Variants in GALNT17 observed in about 807,000 individuals in gnomAD.
GALNT17 encodes UDP-GalNAc:polypeptide N-acetylgalactosaminyltransferase-like 3.
GALNT17 carries 29 observed loss-of-function variants against 63.7 expected under a neutral mutation model. The observed-to-expected ratio is 0.46, with a 90% CI of 0.34 to 0.62. GALNT17 has a LOEUF of 0.62. Among genes scored for constraint, GALNT17 ranks in the 20% least tolerant of loss-of-function variants. GALNT17 has a pLI of 0.01. For synonymous variants in GALNT17, 305 were observed against 318.3 expected (o/e 0.96, Z 0.45); for missense variants, 603 against 799.6 (o/e 0.75, Z 2.97).
At chr7:71,542,925 G>A (rs1788917833) in intron 5 of GALNT17, among the ~76,000 whole-genome samples, 1 of 151,522 alleles carries the variant, frequency 6.6e-6, no homozygotes, top group African/African-American at 2.4e-5. Context: ...TGGGGGTCCC[G>A]ATAACTTTTA....
chr7:71,300,391 G>A (rs1051913749), intron 1 of GALNT17: 3 of 455,308 alleles, frequency 6.6e-6, no homozygotes, highest in Non-Finnish European at 1.3e-5. Context: ...CACAGAGAGA[G>A]GACTGTCTGT....
intron 1 of GALNT17, among the ~76,000 whole-genome samples, chr7:71,143,384 T>G: frequency 7.3e-6 from 1 of 137,488 alleles, no homozygotes. Flanking sequence ...ATCCCACCAC[T>G]GCACTCCAGA....
intron 5 of GALNT17, among the ~76,000 whole-genome samples, chr7:71,534,152 A>G (rs1231901106): frequency 6.6e-6 from 1 of 152,140 alleles, no homozygotes; most frequent in Non-Finnish European, 1.5e-5. Flanking sequence ...GGTAATTTAT[A>G]AAGGAAAGAG....
chr7:71,341,867 G>C (rs1196349163), intron 2 of GALNT17, among the ~76,000 whole-genome samples: 3 of 152,172 alleles, frequency 2.0e-5, no homozygotes, highest in Non-Finnish European at 4.4e-5. Context: ...TAGGGTGACA[G>C]CCATGTAGCA....
At chr7:71,138,995 AAAG>A (rs766224151) in intron 1 of GALNT17, among the ~76,000 whole-genome samples, 5 of 152,066 alleles carry the variant, frequency 3.3e-5, no homozygotes, top group Non-Finnish European at 5.9e-5. Context: ...ATAAAATAAA[AAAG>A]AAAGTGGACC....
At chr7:71,439,941 C>T in intron 5 of GALNT17, among the ~76,000 whole-genome samples, 1 of 145,158 alleles carries the variant, frequency 6.9e-6, no homozygotes, top group African/African-American at 2.6e-5. Flanking sequence ...CTTCCAGGCC[C>T]TCTTTTTTTT....
intron 6 of GALNT17, among the ~76,000 whole-genome samples, chr7:71,597,810 G>A (rs1789910162): frequency 6.6e-6 from 1 of 152,176 alleles, no homozygotes; most frequent in Non-Finnish European, 1.5e-5. Flanking sequence ...TACCTTGCTT[G>A]TCAATGTGGG....
intron 1 of GALNT17, among the ~76,000 whole-genome samples, chr7:71,187,043 A>T (rs1163648588): frequency 1.3e-5 from 2 of 152,192 alleles, no homozygotes; most frequent in Non-Finnish European, 2.9e-5. Context: ...TGACAGATGC[A>T]CCCAGCTGCA....
At chr7:71,486,958 T>TGACTGCAGGGTGCTGCCCTGC (rs1427132861) in intron 5 of GALNT17, among the ~76,000 whole-genome samples, 3 of 152,102 alleles carry the variant, frequency 2.0e-5, no homozygotes, top group African/African-American at 7.2e-5. Context: ...AGTATTGAGA[T>TGACTGCAGGGTGCTGCCCTGC]GACTGCAGGG....
intron 5 of GALNT17, among the ~76,000 whole-genome samples, chr7:71,553,559 T>G (rs1402176798): frequency 6.6e-6 from 1 of 152,240 alleles, no homozygotes; most frequent in Non-Finnish European, 1.5e-5. Context: ...TTCTTTTTCT[T>G]CCCTTCTCCT....
intron 5 of GALNT17, among the ~76,000 whole-genome samples, chr7:71,523,744 A>AAAATAAAT (rs55683413): frequency 0.045 from 6,205 of 137,524 alleles, 162 homozygotes; most frequent in Non-Finnish European, 0.047. Context: ...CCTGTCTCAA[A>AAAATAAAT]AAATAAATAA....
chr7:71,134,609 G>A (rs12699000), intron 1 of GALNT17, among the ~76,000 whole-genome samples: 20,769 of 152,104 alleles, frequency 0.14, 1,581 homozygotes, highest in African/African-American at 0.19. Context: ...GCCCACGGAA[G>A]TTATGCAGAA....
intron 1 of GALNT17, among the ~76,000 whole-genome samples, chr7:71,255,010 G>A (rs1445129060): frequency 6.6e-5 from 10 of 152,234 alleles, no homozygotes; most frequent in Admixed American, 3.9e-4. Context: ...TGTGAGAGGC[G>A]ATGTCAGGGA....
chr7:71,209,300 G>C (rs1473885932), intron 1 of GALNT17, among the ~76,000 whole-genome samples: 2 of 152,148 alleles, frequency 1.3e-5, no homozygotes, highest in East Asian at 3.9e-4. Flanking sequence ...GGGTTGTAGA[G>C]CTGTGATTTA....
intron 3 of GALNT17, among the ~76,000 whole-genome samples, chr7:71,408,300 C>T (rs180993357): frequency 3.3e-5 from 5 of 152,316 alleles, no homozygotes; most frequent in Non-Finnish European, 4.4e-5. Context: ...GCTATGTTCT[C>T]GTCCCCAGCT....
At chr7:71,514,934 C>T (rs756673437) in intron 5 of GALNT17, among the ~76,000 whole-genome samples, 12 of 152,092 alleles carry the variant, frequency 7.9e-5, no homozygotes, top group Non-Finnish European at 1.6e-4. Flanking sequence ...CAGTTTCTCC[C>T]ATACTGTTCT....
chr7:71,519,186 T>C (rs1266002254), intron 5 of GALNT17, among the ~76,000 whole-genome samples: 1 of 152,104 alleles, frequency 6.6e-6, no homozygotes, highest in Non-Finnish European at 1.5e-5. Flanking sequence ...AGTAGGCATG[T>C]GTAACTACCA....
At chr7:71,244,384 T>A (rs556892516) in intron 1 of GALNT17, among the ~76,000 whole-genome samples, 3 of 152,290 alleles carry the variant, frequency 2.0e-5, no homozygotes, top group African/African-American at 7.2e-5. Flanking sequence ...GCTCTTTTAT[T>A]TTCTGGGAGC....
At chr7:71,419,021 C>T (rs1390912557) in intron 4 of GALNT17, among the ~76,000 whole-genome samples, 4 of 152,096 alleles carry the variant, frequency 2.6e-5, no homozygotes, top group Non-Finnish European at 5.9e-5. Flanking sequence ...GCGGAAGTTG[C>T]AGTGAGCTGA....
Sources: gnomAD v4.1 joint callset for allele counts (sites outside exome capture counted in the v4.1 genomes callset) on GRCh38, gnomAD v4.1.1 for gene constraint, MANE v1.5 for transcripts, NCBI Gene and HGNC (gene_info 2026-07-23, HGNC 2026-07-21) for gene names.